USPL1: variants seen among roughly 807,000 people sequenced by gnomAD.
USPL1 encodes ubiquitin specific peptidase like 1.
Under a neutral mutation model 51.5 loss-of-function variants are expected in USPL1, and 27 were observed. The ratio of observed to expected loss-of-function variants is 0.52; its 90% CI spans 0.39 to 0.72. The LOEUF (loss-of-function observed/expected upper bound fraction) is 0.72. Ranked by LOEUF, USPL1 falls within the 30% of genes least tolerant of loss-of-function variation. The probability of loss-of-function intolerance (pLI) is 0.00; values close to 1 mark genes in which losing one functional copy is unlikely to be tolerated. For synonymous variants in USPL1, 451 were observed against 459.6 expected, an observed-to-expected ratio of 0.98 and a Z score of 0.24; for missense variants, 1,226 against 1,268.0, an observed-to-expected ratio of 0.97 and a Z score of 0.50.
At chr13:30,643,231 T>G (rs561564163) in intron 6 of USPL1, among the ~76,000 whole-genome samples, 2 of 152,310 alleles carry the variant, frequency 1.3e-5, no homozygotes, top group East Asian at 3.8e-4. Context: ...TTTCTGCTTT[T>G]CCTAATGCCT....
chr13:30,630,267 A>G (rs1287888458), intron 3 of USPL1, among the ~76,000 whole-genome samples: 1 of 152,172 alleles, frequency 6.6e-6, no homozygotes, highest in Non-Finnish European at 1.5e-5. Flanking sequence ...ATATGTTTAC[A>G]TTGTTGTTAT....
chr13:30,620,861 C>G (rs1261723033), intron 1 of USPL1, among the ~76,000 whole-genome samples: 1 of 152,134 alleles, frequency 6.6e-6, no homozygotes, highest in Non-Finnish European at 1.5e-5. Flanking sequence ...AAAACCGGTC[C>G]TGTTGCCAGT....
At chr13:30,652,100 GA>G (rs1951099584) in intron 7 of USPL1, among the ~76,000 whole-genome samples, 2 of 152,206 alleles carry the variant, frequency 1.3e-5, no homozygotes, top group South Asian at 4.1e-4. Flanking sequence ...ATGTGAAATT[GA>G]TGTCATGATA....
intron 1 of USPL1, among the ~76,000 whole-genome samples, chr13:30,619,127 A>G (rs1950613353): frequency 6.6e-6 from 1 of 152,204 alleles, no homozygotes; most frequent in Admixed American, 6.5e-5. Flanking sequence ...AAGGAGGAGC[A>G]GATTGTTTTT....
intron 4 of USPL1, among the ~76,000 whole-genome samples, chr13:30,635,654 A>G (rs1950866280): frequency 2.0e-5 from 3 of 152,186 alleles, no homozygotes; most frequent in Admixed American, 2.0e-4. Context: ...ACATCATACC[A>G]AGCTTTCTTT....
At position 30,658,706 on chromosome 13, in the gene USPL1, C is replaced by T; in HGVS notation, c.2629C>T (p.His877Tyr). 1 of 1,614,220 alleles carries T rather than the reference C, an allele frequency of 6.2e-7. No homozygotes were observed. The highest frequency in any genetic ancestry group is 2.2e-5 in the East Asian group (1 of 44,886). The change falls in exon 9 of 9, where the codon CAT becomes TAT. Residue 877 changes from histidine to tyrosine, a missense_variant. Physicochemically the swap from His to Tyr is moderately conservative, Grantham distance 83. Coordinates refer to ENST00000255304, the MANE Select transcript of USPL1 (RefSeq NM_005800.5). ...TGGGAATGGTATTTCTTCAGCAAAC[C>T]ATGAAGACTTGGTGGAAGGTCAGAT... Reference protein sequence around the residue: ...SYGNGISSANHEDLVEGQIHK... With the variant: ...SYGNGISSANYEDLVEGQIHK...
At position 30,658,025 on chromosome 13, in the gene USPL1, G is replaced by A. The variant is rs778642904; in HGVS notation, c.1948G>A (p.Val650Met). The change falls in exon 9 of 9, where the codon GTG becomes ATG. Residue 650 changes from valine (V) to methionine (M), a missense_variant. Val to Met is a conservative substitution (Grantham distance 21, BLOSUM62 1). Transcript: ENST00000255304. ...CNEKLIQDQF[V>M]DISFPSQVVN... Reference sequence around the variant, plus strand: ...TGAAAAGCTTATTCAAGACCAATTTGTGGACATAAGTTTTCCATCCCAAGT... The same window carrying A: ...TGAAAAGCTTATTCAAGACCAATTTATGGACATAAGTTTTCCATCCCAAGT... 134 of 1,613,050 alleles carry A rather than the reference G, an allele frequency of 8.3e-5. No individual in the cohort carries two copies. The highest frequency in any genetic ancestry group is 7.8e-5 in the Non-Finnish European group (92 of 1,179,924).
intron 1 of USPL1, among the ~76,000 whole-genome samples, chr13:30,618,480 C>A (rs1215596119): frequency 6.6e-6 from 1 of 151,392 alleles, no homozygotes; most frequent in Non-Finnish European, 1.5e-5. Context: ...TGACAGTTCA[C>A]GTGCCGAGCC....
chr13:30,629,139 C>T (rs1165842464), intron 3 of USPL1, among the ~76,000 whole-genome samples: 1 of 152,154 alleles, frequency 6.6e-6, no homozygotes, highest in African/African-American at 2.4e-5. Flanking sequence ...AAGAGGCTAT[C>T]TGAGGGGATT....
Position 30,658,992 on chromosome 13 carries a change from T to C in USPL1, c.2915T>C (p.Leu972Ser). ...AGTAGTCAAACTCATGAAGAAATTTTAGCGGAATTATTGTCTCCTACACCT... is the reference window on the plus strand; with the variant it reads ...AGTAGTCAAACTCATGAAGAAATTTCAGCGGAATTATTGTCTCCTACACCT... The part of the protein sequence containing the change: ...LYSSQTHEEI[L>S]AELLSPTPVS... Residue 972 changes from leucine to serine, a missense_variant, in exon 9 of 9, where the codon TTA (leucine) becomes TCA (serine). By Grantham distance (145) the Leu-to-Ser change is moderately radical. Transcript: ENST00000255304. The C allele has an allele frequency of 9.9e-6, 16 of 1,614,204 alleles. No homozygotes were observed. Among genetic ancestry groups the C allele is most frequent in the Non-Finnish European group, 1.4e-5 (16 of 1,180,040 alleles).
chr13:30,631,026 A>G lies in USPL1; in HGVS notation c.420A>G (p.Lys140=), dbSNP rs751797552. The change falls in exon 4 of 9, where the codon AAA becomes AAG. Residue 140 remains lysine, a synonymous_variant. Transcript: ENST00000255304. The part of the protein sequence containing the change: ...AIDGGKVLNS[K]HNGEVYDETS... ...ACGGTGGAAAAGTTTTGAACAGCAA[A>G]CATAATGGAGAAGTATATGACGAAA... is the stretch of plus-strand genomic sequence containing the variant. The G allele has an allele frequency of 3.1e-6, 5 of 1,614,016 alleles. No homozygotes were observed. The highest frequency in any genetic ancestry group is 3.3e-5 in the Admixed American group (2 of 60,006).
At chr13:30,637,672 G>T in intron 4 of USPL1, 72 bp from the exon 5 acceptor site, 1 of 1,218,178 alleles carries the variant, frequency 8.2e-7, no homozygotes, top group Non-Finnish European at 1.2e-6. Context: ...TTTCATTCTT[G>T]GGAATGTGTC....
intron 3 of USPL1, among the ~76,000 whole-genome samples, chr13:30,628,492 G>A (rs1309272508): frequency 6.6e-6 from 1 of 152,090 alleles, no homozygotes; most frequent in Admixed American, 6.5e-5. Context: ...GCACCTGTCA[G>A]CCTGTCATCT....
intron 6 of USPL1, among the ~76,000 whole-genome samples, chr13:30,643,544 C>G (rs1376824056): frequency 1.3e-5 from 2 of 151,450 alleles, no homozygotes; most frequent in Non-Finnish European, 1.5e-5. Flanking sequence ...GGAAGATGAC[C>G]AGACTGGCTC....
Position 30,658,201 on chromosome 13 carries a change from A to C in USPL1, c.2124A>C (p.Pro708=). 12 of 1,611,916 alleles carry C rather than the reference A, an allele frequency of 7.4e-6. No homozygotes were observed. The highest frequency in any genetic ancestry group is 1.0e-5 in the Non-Finnish European group (12 of 1,179,508). ...CTCAGTTAAAACAATTCCTTACACCAAAAACTGAACAATTAAAACCAGAAC... is the reference window on the plus strand; with the variant it reads ...CTCAGTTAAAACAATTCCTTACACCCAAAACTGAACAATTAAAACCAGAAC... ...KDAQLKQFLT[P]KTEQLKPERV... is the part of the protein sequence containing the mutation. The change falls in exon 9 of 9, where the codon CCA becomes CCC. Residue 708 remains proline (P), a synonymous_variant. Transcript: ENST00000255304.
chr13:30,627,927 GAGTGT>G (rs1272768428), intron 3 of USPL1, among the ~76,000 whole-genome samples: 1 of 151,888 alleles, frequency 6.6e-6, no homozygotes, highest in African/African-American at 2.4e-5. Flanking sequence ...GCCCAGGCTG[GAGTGT>G]AGTGGCATGA....
intron 3 of USPL1, among the ~76,000 whole-genome samples, chr13:30,628,552 C>T (rs540703884): frequency 3.5e-4 from 54 of 152,270 alleles, no homozygotes; most frequent in Admixed American, 5.2e-4. Context: ...CCCTACCCGC[C>T]GACAGGCCCC....
At chr13:30,651,219 A>C (rs1042488635) in intron 7 of USPL1, among the ~76,000 whole-genome samples, 1 of 152,218 alleles carries the variant, frequency 6.6e-6, no homozygotes, top group Non-Finnish European at 1.5e-5. Context: ...AAAACTTAAC[A>C]TATAATTGCT....
At chr13:30,625,104 A>T (rs917828692) in intron 3 of USPL1, among the ~76,000 whole-genome samples, 1 of 152,154 alleles carries the variant, frequency 6.6e-6, no homozygotes, top group African/African-American at 2.4e-5. Context: ...CCTTTGGACT[A>T]GTTGAAGGCA....
Sources: allele counts gnomAD v4.1 joint callset (sites outside exome capture counted in the v4.1 genomes callset), GRCh38; gene constraint gnomAD v4.1.1; transcripts MANE v1.5; gene names NCBI Gene and HGNC (gene_info 2026-07-23, HGNC 2026-07-21).